LARGE1: variants seen among roughly 807,000 people sequenced by gnomAD.
LARGE1 encodes LARGE xylosyl- and glucuronyltransferase 1.
A neutral mutation model predicts 87.6 loss-of-function variants in LARGE1; 43 were observed. The ratio of observed to expected loss-of-function variants is 0.49; its 90% confidence interval spans 0.38 to 0.63. The LOEUF is 0.63. LARGE1 is among the 30% of genes least tolerant of loss of function. The pLI, the probability that LARGE1 is intolerant of heterozygous loss-of-function variation, is 0.00. For missense variants in LARGE1, 802 were observed against 1,000.2 expected (o/e 0.80, Z 2.67); for synonymous variants, 434 against 394.6 (o/e 1.10, Z -1.18).
At chr22:33,089,431 C>T in the LARGE1 span, among the ~76,000 whole-genome samples, 1 of 139,876 alleles carries the variant, frequency 7.1e-6, no homozygotes, top group South Asian at 2.3e-4. Flanking sequence ...CTTCCTCTTC[C>T]TCTTCTTCTT....
At chr22:33,778,520 C>T (rs957142365) in intron 1 of LARGE1, among the ~76,000 whole-genome samples, 3 of 152,152 alleles carry the variant, frequency 2.0e-5, no homozygotes, top group Non-Finnish European at 2.9e-5. Context: ...CTGCTTTCTG[C>T]CTCTACAGAG....
At chr22:33,525,669 C>A (rs1569238906) in intron 6 of LARGE1, among the ~76,000 whole-genome samples, 1 of 152,154 alleles carries the variant, frequency 6.6e-6, no homozygotes, top group Non-Finnish European at 1.5e-5. Flanking sequence ...ACTGGATCCA[C>A]TCATTATTTC....
At chr22:33,584,605 G>A (rs1422746991) in intron 5 of LARGE1, among the ~76,000 whole-genome samples, 2 of 151,966 alleles carry the variant, frequency 1.3e-5, no homozygotes, top group Non-Finnish European at 2.9e-5. Flanking sequence ...CTAATCAGAT[G>A]AGAATTCAGC....
rs115332734 is a variant in LARGE1 at position 33,660,396 on chromosome 22, A to G, written c.107-9728T>C. On this transcript the variant is annotated intron_variant, in intron 2 of 14. Coordinates refer to ENST00000397394, the MANE Select transcript of LARGE1 (RefSeq NM_133642.5). ...GTTTAGAAAACCGTCATTGGAGGGT[A>G]ATGATAACAGTGTATACTAGAAAAG... 7.5e-3 allele frequency among the ~76,000 whole-genome samples: 1,142 copies of G among 152,304 alleles called. 17 individuals are homozygous for G. Among genetic ancestry groups the G allele is most frequent in the African/African-American group, 0.026 (1,089 of 41,564 alleles).
intron 1 of LARGE1, among the ~76,000 whole-genome samples, chr22:33,872,834 C>T (rs1186372595): frequency 6.6e-6 from 1 of 152,044 alleles, no homozygotes; most frequent in East Asian, 1.9e-4. Context: ...CCTGTCTCTA[C>T]TGAAAACACA....
rs372964353 is a variant in LARGE1 at position 33,761,503 on chromosome 22, C to A, written c.-27G>T. The A allele has an allele frequency of 5.1e-6, 8 of 1,568,082 alleles. No individual in the cohort carries two copies. In the African/African-American group the frequency reaches 1.1e-4, roughly 21 times the overall value. On this transcript the variant is annotated 5_prime_UTR_variant, in exon 2 of 15. Transcript: ENST00000397394. ...CTCTCAGAAGTGGCAATCCCTAATC[C>A]CAGCGCCGTTTCTCTGTCCGGAGCA...
At chr22:33,643,645 A>T in intron 3 of LARGE1, among the ~76,000 whole-genome samples, 1 of 152,204 alleles carries the variant, frequency 6.6e-6, no homozygotes, top group African/African-American at 2.4e-5. Context: ...GAAAAGATTA[A>T]CAAAATATAT....
At chr22:33,444,672 G>A (rs1409349576) in intron 6 of LARGE1, among the ~76,000 whole-genome samples, 1 of 152,148 alleles carries the variant, frequency 6.6e-6, no homozygotes, top group Non-Finnish European at 1.5e-5. Flanking sequence ...GGCATCATTT[G>A]GTATAAGGTT....
At chr22:33,416,475 A>G (rs1219123723) in intron 7 of LARGE1, among the ~76,000 whole-genome samples, 3 of 152,018 alleles carry the variant, frequency 2.0e-5, no homozygotes, top group East Asian at 3.9e-4. Flanking sequence ...ATCATAGTGC[A>G]GGCCACATTG....
intron 7 of LARGE1, among the ~76,000 whole-genome samples, chr22:33,430,237 C>T (rs1395885827): frequency 6.6e-6 from 1 of 152,172 alleles, no homozygotes; most frequent in Non-Finnish European, 1.5e-5. Flanking sequence ...AGGCATGGCA[C>T]CTGCCTCATA....
intron 1 of LARGE1, among the ~76,000 whole-genome samples, chr22:33,852,873 AAAAAAAGAAAG>A (rs1427087823): frequency 5.4e-4 from 41 of 76,364 alleles, no homozygotes; most frequent in East Asian, 7.7e-4. Context: ...AAAAAAAAAA[AAAAAAAGAAAG>A]AAAGAAAGAA....
At chr22:33,112,336 T>C in the LARGE1 span, among the ~76,000 whole-genome samples, 1 of 152,230 alleles carries the variant, frequency 6.6e-6, no homozygotes, top group African/African-American at 2.4e-5. Context: ...TCTCACATTT[T>C]TCCCCATTGT....
intron 11 of LARGE1, among the ~76,000 whole-genome samples, chr22:33,262,875 C>T (rs1056150674): frequency 6.6e-6 from 1 of 150,484 alleles, no homozygotes; most frequent in South Asian, 2.1e-4. Context: ...CCCTCCCCTC[C>T]CCTCCGCTCG....
At chr22:33,480,771 A>C (rs1157412419) in intron 6 of LARGE1, among the ~76,000 whole-genome samples, 2 of 152,218 alleles carry the variant, frequency 1.3e-5, no homozygotes, top group East Asian at 3.8e-4. Context: ...TTAGACTTTT[A>C]TTATGTGTTT....
At chr22:33,822,455 T>G (rs1437373307) in intron 1 of LARGE1, among the ~76,000 whole-genome samples, 1 of 152,042 alleles carries the variant, frequency 6.6e-6, no homozygotes, top group African/African-American at 2.4e-5. Flanking sequence ...TCCCAGTACT[T>G]TGGGAAGCTG....
the LARGE1 span, among the ~76,000 whole-genome samples, chr22:33,143,943 G>A: frequency 2.6e-5 from 4 of 151,962 alleles, no homozygotes; most frequent in African/African-American, 9.7e-5. Context: ...TTTTCTTAAT[G>A]TCTTAACTCT....
At chr22:33,838,188 A>C (rs1050674594) in intron 1 of LARGE1, among the ~76,000 whole-genome samples, 36 of 152,226 alleles carry the variant, frequency 2.4e-4, no homozygotes, top group African/African-American at 8.2e-4. Flanking sequence ...ACTGGCCCAC[A>C]GAATGCAGAC....
intron 11 of LARGE1, among the ~76,000 whole-genome samples, chr22:33,205,890 T>C (rs1924649715): frequency 6.7e-6 from 1 of 149,666 alleles, no homozygotes; most frequent in Non-Finnish European, 1.5e-5. Context: ...GCAATTCTCC[T>C]GCCTCAGCCT....
intron 6 of LARGE1, among the ~76,000 whole-genome samples, chr22:33,477,085 G>A (rs759558175): frequency 4.6e-5 from 7 of 152,156 alleles, no homozygotes; most frequent in African/African-American, 9.7e-5. Flanking sequence ...GCTGCGTGGC[G>A]GCTCACCGCT....
Sources: allele counts gnomAD v4.1 joint callset (sites outside exome capture counted in the v4.1 genomes callset), GRCh38; gene constraint gnomAD v4.1.1; transcripts MANE v1.5; gene names NCBI Gene and HGNC (gene_info 2026-07-23, HGNC 2026-07-21).